The following DAOA variants were observed in gnomAD, a reference collection of about 807,000 sequenced individuals.
DAOA encodes the protein D-amino acid oxidase regulator.
DAOA carries 15 observed loss-of-function variants against 16.4 expected under a neutral mutation model. The observed-to-expected ratio is 0.91, with a 90% CI of 0.61 to 1.41. DAOA has a LOEUF of 1.41. Ranked by LOEUF, DAOA falls within the 40% of genes most tolerant of loss-of-function variation. The pLI is 0.00. For synonymous variants in DAOA, 75 were observed against 59.1 expected (o/e 1.27, Z -1.23); for missense variants, 230 against 176.8 (o/e 1.30, Z -1.71).
chr13:105,489,080 A>G (rs1382221745), intron 4 of DAOA, among the ~76,000 whole-genome samples: 1 of 152,218 alleles, frequency 6.6e-6, no homozygotes, highest in Non-Finnish European at 1.5e-5. Context: ...TACTGTGGGT[A>G]GTACTTACAG....
At chr13:105,481,508 T>A (rs1011814556) in intron 4 of DAOA, among the ~76,000 whole-genome samples, 1 of 152,170 alleles carries the variant, frequency 6.6e-6, no homozygotes, top group Non-Finnish European at 1.5e-5. Context: ...ATGATCCTCC[T>A]GTCCAAACCC....
intron 4 of DAOA, chr13:105,477,352 T>C (rs996423918): frequency 1.3e-5 from 2 of 152,232 alleles, no homozygotes; most frequent in Non-Finnish European, 2.9e-5. Context: ...AGTGATTTAC[T>C]TCTGGGTTAC....
At position 105,466,239 on chromosome 13, in the gene DAOA, G is replaced by T. The variant is rs927809179; in HGVS notation, c.-50G>T. Reference sequence around the variant, plus strand: ...AGGATTTGGAAAGGGCATGGCAGGAGGTCTCATCTCTGCTTCACAATGCCG... The same window carrying T: ...AGGATTTGGAAAGGGCATGGCAGGATGTCTCATCTCTGCTTCACAATGCCG... On this transcript the variant is annotated 5_prime_UTR_variant, in exon 2 of 6. It adds an upstream start codon to the 5' untranslated region. Coordinates refer to ENST00000375936, the MANE Select transcript of DAOA (RefSeq NM_172370.5). 1 of 1,613,002 alleles carries T rather than the reference G, an allele frequency of 6.2e-7. No homozygotes were observed. The highest frequency in any genetic ancestry group is 1.7e-5 in the Admixed American group (1 of 59,920).
At chr13:105,484,854 G>C (rs1223475712) in intron 4 of DAOA, among the ~76,000 whole-genome samples, 1 of 152,036 alleles carries the variant, frequency 6.6e-6, no homozygotes, top group Non-Finnish European at 1.5e-5. Flanking sequence ...TAGAAATATT[G>C]AAAGCAGACA....
rs77895151 is a variant in DAOA, at chr13:105,475,387, G to A, written c.281+2702G>A. On this transcript the variant is annotated intron_variant, in intron 4 of 5. Coordinates refer to ENST00000375936, the MANE Select transcript of DAOA (RefSeq NM_172370.5). ...GATAGCTCAAGTGGATTTATCAGGT[G>A]GCTAAATGGGAGTACTAAAGAGGTT... 9.9e-5 allele frequency among the ~76,000 whole-genome samples: 15 copies of A among 152,262 alleles called. No homozygotes were observed. In the East Asian group the frequency reaches 2.3e-3, roughly 24 times the overall value.
rs1225273583 is a variant in DAOA at position 105,472,691 on chromosome 13, T to A, written c.281+6T>A. ...CTTCCTCAGCCCTATGCAGAGTATGTATCTTCTTCATTTTAAACTTTTAAC... is the reference window on the plus strand; with the variant it reads ...CTTCCTCAGCCCTATGCAGAGTATGAATCTTCTTCATTTTAAACTTTTAAC... On this transcript the variant is annotated splice_donor_region_variant and intron_variant, in intron 4 of 5. Coordinates refer to ENST00000375936, the MANE Select transcript of DAOA (RefSeq NM_172370.5). 1 of 1,593,438 alleles carries A rather than the reference T, an allele frequency of 6.3e-7. No individual in the cohort carries two copies. The highest frequency in any genetic ancestry group is 2.2e-5 in the East Asian group (1 of 44,528).
intron 2 of DAOA, 168 bp downstream of exon 2, chr13:105,466,500 T>C (rs112635781): frequency 7.9e-6 from 9 of 1,142,948 alleles, no homozygotes; most frequent in African/African-American, 7.8e-5. Flanking sequence ...TCCCATATTC[T>C]GTCAGTCAAA....
chr13:105,488,926 T>C (rs1018308426), intron 4 of DAOA, among the ~76,000 whole-genome samples: 1 of 152,320 alleles, frequency 6.6e-6, no homozygotes, highest in African/African-American at 2.4e-5. Context: ...TCAAGATTAA[T>C]TTCTTCCTAT....
intron 4 of DAOA, among the ~76,000 whole-genome samples, chr13:105,483,945 C>T (rs578257387): frequency 6.6e-6 from 1 of 152,160 alleles, no homozygotes; most frequent in East Asian, 1.9e-4. Context: ...GCATCTAATA[C>T]ATCTTTACTT....
chr13:105,486,038 C>A (rs1878081556), intron 4 of DAOA, among the ~76,000 whole-genome samples: 1 of 152,160 alleles, frequency 6.6e-6, no homozygotes, highest in South Asian at 2.1e-4. Context: ...CTATGTGCCA[C>A]CTGGTATCGT....
intron 4 of DAOA, among the ~76,000 whole-genome samples, chr13:105,473,412 G>A (rs1877126150): frequency 6.6e-6 from 1 of 151,840 alleles, no homozygotes; most frequent in South Asian, 2.1e-4. Flanking sequence ...AAGCAACATT[G>A]CATTTTTTTT....
At chr13:105,469,471 T>C (rs762778521) in intron 3 of DAOA, among the ~76,000 whole-genome samples, 1 of 152,216 alleles carries the variant, frequency 6.6e-6, no homozygotes, top group African/African-American at 2.4e-5. Context: ...CCAAAAATAA[T>C]GTACCAGTGG....
intron 3 of DAOA, among the ~76,000 whole-genome samples, chr13:105,470,527 A>C (rs957760412): frequency 6.6e-6 from 1 of 152,220 alleles, no homozygotes; most frequent in Admixed American, 6.5e-5. Flanking sequence ...TAAAAGCACA[A>C]TTATTTTAGA....
In DAOA at chr13:105,476,891, C is replaced by T. The variant is rs932566176; in HGVS notation, c.281+4206C>T. Among the ~76,000 whole-genome samples the T allele has an allele frequency of 2.6e-5, 4 of 152,080 alleles. No homozygotes were observed. The East Asian group carries it at 7.8e-4, about 29-fold the overall frequency. ...CTACAGAGCCCCTGTATTCCCAACC[C>T]ACCAGCCACCAGGGGCTCCTGTCAG... is the stretch of plus-strand genomic sequence containing the variant. On this transcript the variant is annotated intron_variant, in intron 4 of 5. Transcript: ENST00000375936.
At chr13:105,480,570 A>AGATAGATG (rs1212547141) in intron 4 of DAOA, among the ~76,000 whole-genome samples, 8 of 149,712 alleles carry the variant, frequency 5.3e-5, no homozygotes, top group Admixed American at 1.3e-4. Context: ...ATAGATAGAT[A>AGATAGATG]GCATTTGTTA....
chr13:105,466,246 T>A lies in DAOA; in HGVS notation c.-43T>A, dbSNP rs758333935. 2 of 1,613,550 alleles carry A rather than the reference T, an allele frequency of 1.2e-6. No individual in the cohort carries two copies. Among genetic ancestry groups the A allele is most frequent in the Non-Finnish European group, 1.7e-6 (2 of 1,179,664 alleles). On this transcript the variant is annotated 5_prime_UTR_variant, in exon 2 of 6. Transcript: ENST00000375936. ...GGAAAGGGCATGGCAGGAGGTCTCA[T>A]CTCTGCTTCACAATGCCGATGATTT...
rs34460836 is a variant in DAOA, at chr13:105,476,502, T to TAA, written c.281+3833_281+3834dup. 3.3e-3 allele frequency among the ~76,000 whole-genome samples: 428 copies of TAA among 128,350 alleles called. 1 individual carries two copies. The highest frequency in any genetic ancestry group is 8.1e-3 in the Middle Eastern group (2 of 248). 84.2% of individuals were successfully genotyped at this position (128,350 alleles called of 152,430 possible). A position where few individuals can be genotyped will look rare whatever the true frequency, so the allele number is the denominator to read the frequency against. ...ACTTGTACCAAAAAACATGAATCTG[T>TAA]AAAAAAAAAAAAAAAAATTACATAT... is the stretch of plus-strand genomic sequence containing the variant. On this transcript the variant is annotated intron_variant, in intron 4 of 5. Transcript: ENST00000375936.
At chr13:105,471,511 T>G (rs1358431653) in intron 3 of DAOA, among the ~76,000 whole-genome samples, 1 of 152,138 alleles carries the variant, frequency 6.6e-6, no homozygotes, top group African/African-American at 2.4e-5. Context: ...TTCAAATAAG[T>G]GTTTGCTACT....
chr13:105,484,849 A>G (rs1267725375), intron 4 of DAOA, among the ~76,000 whole-genome samples: 1 of 152,204 alleles, frequency 6.6e-6, no homozygotes, highest in East Asian at 1.9e-4. Flanking sequence ...TTAAATAGAA[A>G]TATTGAAAGC....
Sources: gnomAD v4.1 joint callset for allele counts (sites outside exome capture counted in the v4.1 genomes callset) on GRCh38, gnomAD v4.1.1 for gene constraint, MANE v1.5 for transcripts, NCBI Gene and HGNC (gene_info 2026-07-23, HGNC 2026-07-21) for gene names.